Variants in CNTN4 observed in about 807,000 individuals in gnomAD.
CNTN4 encodes contactin-4.
CNTN4 carries 77 observed loss-of-function variants against 122.5 expected under a neutral mutation model. The ratio of observed to expected loss-of-function variants is 0.63; its 90% CI spans 0.52 to 0.76. The LOEUF (loss-of-function observed/expected upper bound fraction) is 0.76. Among genes scored for constraint, CNTN4 ranks in the 30% least tolerant of loss-of-function variants. The pLI is 0.00. For missense variants in CNTN4, 1,256 were observed against 1,259.1 expected (o/e 1.00, Z 0.04); for synonymous variants, 512 against 447.0 (o/e 1.15, Z -1.83).
chr3:2,557,768 T>A (rs1373785750), intron 3 of CNTN4, among the ~76,000 whole-genome samples: 55 of 146,518 alleles, frequency 3.8e-4, no homozygotes, highest in African/African-American at 1.1e-3. Flanking sequence ...AAAAAAAAAA[T>A]GCATGGTAAT....
chr3:2,575,487 G>C (rs1000754605), intron 4 of CNTN4, among the ~76,000 whole-genome samples: 12 of 152,098 alleles, frequency 7.9e-5, no homozygotes, highest in Non-Finnish European at 1.3e-4. Flanking sequence ...CTCCAGCCTG[G>C]GTGACAGAGC....
intron 3 of CNTN4, among the ~76,000 whole-genome samples, chr3:2,404,636 GTA>G (rs746725094): frequency 1.3e-5 from 2 of 152,086 alleles, no homozygotes; most frequent in Non-Finnish European, 2.9e-5. Context: ...ATTATCTAGG[GTA>G]ATCTCCCTGT....
At position 2,648,969 on chromosome 3, in the gene CNTN4, G is replaced by A. The variant is rs368684331; in HGVS notation, c.55+77411G>A. 2.8e-4 allele frequency among the ~76,000 whole-genome samples: 42 copies of A among 152,288 alleles called. No homozygotes were observed. The East Asian group carries it at 5.0e-3, about 18-fold the overall frequency. On this transcript the variant is annotated intron_variant, in intron 4 of 24. Transcript: ENST00000418658. ...GTCTGGATAGAAGATCACACCAGCC[G>A]CAACATTCAACATTCTCTTAAGCGA...
At chr3:2,636,097 A>T (rs190476431) in intron 4 of CNTN4, among the ~76,000 whole-genome samples, 1 of 152,218 alleles carries the variant, frequency 6.6e-6, no homozygotes, top group African/African-American at 2.4e-5. Context: ...GCAGAACCTG[A>T]TTAAAGCCTT....
At chr3:2,265,974 T>C (rs1404170533) in intron 2 of CNTN4, among the ~76,000 whole-genome samples, 1 of 152,104 alleles carries the variant, frequency 6.6e-6, no homozygotes, top group Admixed American at 6.6e-5. Context: ...TCGTGGAGTC[T>C]TTAGATTTCC....
At chr3:2,443,705 G>C (rs186985252) in intron 3 of CNTN4, among the ~76,000 whole-genome samples, 1 of 152,044 alleles carries the variant, frequency 6.6e-6, no homozygotes, top group Admixed American at 6.6e-5. Context: ...CTCTGATCTG[G>C]TATTAGACTT....
intron 2 of CNTN4, among the ~76,000 whole-genome samples, chr3:2,106,061 T>A (rs2032414287): frequency 6.6e-6 from 1 of 152,234 alleles, no homozygotes; most frequent in African/African-American, 2.4e-5. Flanking sequence ...TTTAACTCTA[T>A]GTCTCAAGTT....
At chr3:2,953,752 T>G (rs1220197765) in intron 13 of CNTN4, among the ~76,000 whole-genome samples, 2 of 152,146 alleles carry the variant, frequency 1.3e-5, no homozygotes, top group African/African-American at 4.8e-5. Flanking sequence ...TCCCCCTTAG[T>G]GAAAGGAGAG....
chr3:2,470,745 G>A lies in CNTN4; in HGVS notation c.-88-100671G>A, dbSNP rs959139525. The stretch of plus-strand genomic sequence containing the variant: ...TGAGATAGTGATAAAATTAGACCTG[G>A]CCTGCCTCTCGTTTTAGGAATATAG... On this transcript the variant is annotated intron_variant, in intron 3 of 24. Coordinates refer to ENST00000418658, the MANE Select transcript of CNTN4 (RefSeq NM_175607.3). Among the ~76,000 whole-genome samples the A allele has an allele frequency of 2.6e-5, 4 of 152,138 alleles. No individual in the cohort carries two copies. The South Asian group carries it at 8.3e-4, about 31-fold the overall frequency.
intron 3 of CNTN4, among the ~76,000 whole-genome samples, chr3:2,445,892 C>G (rs1207094338): frequency 6.6e-6 from 1 of 152,034 alleles, no homozygotes; most frequent in Non-Finnish European, 1.5e-5. Context: ...ATGGGGGAAG[C>G]CTACATTGTC....
intron 2 of CNTN4, among the ~76,000 whole-genome samples, chr3:2,190,353 A>G (rs1431929046): frequency 6.6e-6 from 1 of 151,686 alleles, no homozygotes; most frequent in Non-Finnish European, 1.5e-5. Context: ...TGAAATAATG[A>G]TAAAAAAAGA....
At chr3:2,855,009 A>G (rs2093603219) in intron 7 of CNTN4, among the ~76,000 whole-genome samples, 1 of 152,244 alleles carries the variant, frequency 6.6e-6, no homozygotes, top group Non-Finnish European at 1.5e-5. Context: ...CCTACGAAAT[A>G]TATTTAAGTG....
intron 3 of CNTN4, among the ~76,000 whole-genome samples, chr3:2,563,271 A>G (rs1198421173): frequency 1.3e-5 from 2 of 152,238 alleles, no homozygotes; most frequent in East Asian, 3.8e-4. Context: ...CAAACTATAC[A>G]TAAAAAGAAC....
intron 3 of CNTN4, among the ~76,000 whole-genome samples, chr3:2,381,848 C>A (rs1299288739): frequency 6.6e-6 from 1 of 151,996 alleles, no homozygotes; most frequent in Non-Finnish European, 1.5e-5. Context: ...ATTTTAATAT[C>A]TTAGCCAAGA....
chr3:2,148,526 CT>C (rs1347012317), intron 2 of CNTN4, among the ~76,000 whole-genome samples: 1 of 149,392 alleles, frequency 6.7e-6, no homozygotes, highest in Non-Finnish European at 1.5e-5. Context: ...GAGCGAGCCC[CT>C]GTCTCAAAAA....
chr3:2,591,522 G>C (rs540729562), intron 4 of CNTN4, among the ~76,000 whole-genome samples: 1,407 of 88,516 alleles, frequency 0.016, 355 homozygotes, highest in African/African-American at 0.059. Flanking sequence ...CCGCCACTAC[G>C]CCCGGCTAAT....
At chr3:2,684,605 T>C (rs925163090) in intron 4 of CNTN4, among the ~76,000 whole-genome samples, 2 of 152,118 alleles carry the variant, frequency 1.3e-5, no homozygotes, top group Non-Finnish European at 2.9e-5. Context: ...CCTGAGCAAG[T>C]CAGACAAAAT....
intron 3 of CNTN4, among the ~76,000 whole-genome samples, chr3:2,537,967 A>G: frequency 6.6e-6 from 1 of 151,750 alleles, no homozygotes. Context: ...CCTACCCCCA[A>G]AATTCATCTG....
At chr3:2,972,869 C>A (rs1693065115) in intron 13 of CNTN4, among the ~76,000 whole-genome samples, 1 of 151,038 alleles carries the variant, frequency 6.6e-6, no homozygotes, top group Non-Finnish European at 1.5e-5. Context: ...AAATTACTAT[C>A]TTCTGCTTTG....
Sources: gnomAD v4.1 joint callset for allele counts (sites outside exome capture counted in the v4.1 genomes callset) on GRCh38, gnomAD v4.1.1 for gene constraint, MANE v1.5 for transcripts, NCBI Gene and HGNC (gene_info 2026-07-23, HGNC 2026-07-21) for gene names.